Variants in AFTPH observed in about 807,000 individuals in gnomAD.
AFTPH encodes aftiphilin protein.
In AFTPH, 7 loss-of-function variants were observed where a neutral mutation model predicts 72.5. That is an observed-to-expected ratio of 0.10 (90% CI 0.05 to 0.18). The LOEUF (loss-of-function observed/expected upper bound fraction) is 0.18. AFTPH is among the 10% of genes least tolerant of loss of function. The pLI is 1.00. For synonymous variants in AFTPH, 337 were observed against 370.1 expected (o/e 0.91, Z 1.03); for missense variants, 979 against 1,060.5 (o/e 0.92, Z 1.07).
chr2:64,539,467 A>G (rs374354488), intron 1 of AFTPH, among the ~76,000 whole-genome samples: 2 of 152,188 alleles, frequency 1.3e-5, no homozygotes, highest in Admixed American at 6.5e-5. Flanking sequence ...TGTTTGTCCC[A>G]CATTCATCAC....
At chr2:64,575,485 C>T (rs1358502479) in intron 6 of AFTPH, among the ~76,000 whole-genome samples, 3 of 151,932 alleles carry the variant, frequency 2.0e-5, no homozygotes, top group Non-Finnish European at 4.4e-5. Context: ...GGCATGATGG[C>T]ATGAGCCTGT....
intron 1 of AFTPH, among the ~76,000 whole-genome samples, chr2:64,527,149 T>C (rs1057136439): frequency 6.6e-6 from 1 of 152,204 alleles, no homozygotes; most frequent in African/African-American, 2.4e-5. Context: ...TTTACAAACA[T>C]ATCTTTATAT....
chr2:64,549,308 C>T (rs1346863898), intron 1 of AFTPH, among the ~76,000 whole-genome samples: 1 of 56,024 alleles, frequency 1.8e-5, no homozygotes, highest in African/African-American at 6.1e-5. Flanking sequence ...TTAGTCCTCC[C>T]TTTTTTTTTT....
intron 6 of AFTPH, among the ~76,000 whole-genome samples, 175 bp from the exon 7 acceptor site, chr2:64,579,311 C>T (rs983402111): frequency 6.6e-6 from 1 of 152,116 alleles, no homozygotes; most frequent in Non-Finnish European, 1.5e-5. Flanking sequence ...GTAAATTTTG[C>T]AATTTCAGTT....
At chr2:64,568,654 C>T (rs1453218046) in intron 3 of AFTPH, among the ~76,000 whole-genome samples, 1 of 152,214 alleles carries the variant, frequency 6.6e-6, no homozygotes, top group Non-Finnish European at 1.5e-5. Flanking sequence ...CAGTCTCGCT[C>T]TGTTGCCCAG....
chr2:64,551,673 C>T, exon 2 of AFTPH: 1 of 1,613,852 alleles, frequency 6.2e-7, no homozygotes, highest in Non-Finnish European at 8.5e-7. Context: ...CCATTTTATG[C>T]CAATTCATGA....
chr2:64,589,294 G>A (rs1420229852), intron 8 of AFTPH, among the ~76,000 whole-genome samples: 1 of 152,122 alleles, frequency 6.6e-6, no homozygotes, highest in African/African-American at 2.4e-5. Flanking sequence ...CTGTTGAAAT[G>A]ATTTCCCCCA....
chr2:64,528,524 G>A (rs1003296033), intron 1 of AFTPH, among the ~76,000 whole-genome samples: 2 of 152,178 alleles, frequency 1.3e-5, no homozygotes, highest in African/African-American at 2.4e-5. Flanking sequence ...CAGAAAAATG[G>A]AATCAGTTTT....
In AFTPH at chr2:64,573,077, A is replaced by G. The variant is rs1672542504; in HGVS notation, c.2394+9A>G. 3 of 1,610,460 alleles carry G rather than the reference A, an allele frequency of 1.9e-6. No individual in the cohort carries two copies. In the East Asian group the frequency reaches 6.7e-5, roughly 36 times the overall value. On this transcript the variant is annotated intron_variant, in intron 6 of 8. Coordinates refer to ENST00000238856, the Ensembl canonical transcript of AFTPH. ...CATCTGATCAGTTCCAGGTAAAAAT[A>G]TCTATATGTGTATAAATATGTTTAT...
At chr2:64,582,837 A>AATG (rs1673292082) in intron 7 of AFTPH, among the ~76,000 whole-genome samples, 1 of 152,232 alleles carries the variant, frequency 6.6e-6, no homozygotes, top group African/African-American at 2.4e-5. Flanking sequence ...AACCATTCAT[A>AATG]GGAGCACAAA....
chr2:64,575,739 G>GAA (rs1672733147), intron 6 of AFTPH, among the ~76,000 whole-genome samples: 1 of 111,168 alleles, frequency 9.0e-6, no homozygotes. Flanking sequence ...GTGTGTGTGT[G>GAA]TGTATATATT....
intron 7 of AFTPH, chr2:64,580,961 G>T: frequency 3.0e-6 from 1 of 331,158 alleles, no homozygotes; most frequent in South Asian, 4.8e-5. Context: ...TCTTTACATT[G>T]TACATGAGAA....
chr2:64,557,618 T>G (rs1482642816), intron 2 of AFTPH, among the ~76,000 whole-genome samples: 2 of 152,218 alleles, frequency 1.3e-5, no homozygotes, highest in African/African-American at 4.8e-5. Flanking sequence ...TAGCTGTGAT[T>G]ACAGGCATAG....
intron 1 of AFTPH, among the ~76,000 whole-genome samples, chr2:64,531,220 A>T (rs1669617171): frequency 6.6e-6 from 1 of 152,166 alleles, no homozygotes; most frequent in Non-Finnish European, 1.5e-5. Context: ...AAGTTTGTAC[A>T]TAATTCTTTG....
intron 7 of AFTPH, 62 bp downstream of exon 8, chr2:64,581,335 G>A: frequency 7.3e-7 from 1 of 1,369,708 alleles, no homozygotes; most frequent in Non-Finnish European, 1.0e-6. Flanking sequence ...CACATCACTT[G>A]ACTTTCCTAT....
chr2:64,564,711 C>A (rs1256665156), intron 2 of AFTPH, among the ~76,000 whole-genome samples: 3 of 152,082 alleles, frequency 2.0e-5, no homozygotes, highest in Admixed American at 1.3e-4. Context: ...TTATACCAGT[C>A]ATTTACTTAC....
intron 7 of AFTPH, 155 bp from the exon 8 acceptor site, chr2:64,581,035 C>A: frequency 1.8e-6 from 1 of 542,342 alleles, no homozygotes; most frequent in South Asian, 2.3e-5. Context: ...TAATACTGTA[C>A]ACATTGTTTT....
chr2:64,558,513 A>G (rs1671527287), intron 2 of AFTPH, among the ~76,000 whole-genome samples: 1 of 152,230 alleles, frequency 6.6e-6, no homozygotes. Context: ...AACAAGAAAC[A>G]TAATTACTTA....
chr2:64,592,236 G>A, exon 9 of AFTPH: 1 of 431,812 alleles, frequency 2.3e-6, no homozygotes, highest in Non-Finnish European at 4.0e-6. Flanking sequence ...TTAGAAAAAT[G>A]TAAATAATCG....
Sources: gnomAD v4.1 joint callset for allele counts (sites outside exome capture counted in the v4.1 genomes callset) on GRCh38, gnomAD v4.1.1 for gene constraint, MANE v1.5 for transcripts, NCBI Gene and HGNC (gene_info 2026-07-23, HGNC 2026-07-21) for gene names.